The following DENND2A variants were observed in gnomAD, a reference collection of about 807,000 sequenced individuals.
DENND2A encodes DENN domain-containing protein 2A.
A neutral mutation model predicts 105.3 loss-of-function variants in DENND2A; 53 were observed. That is an observed-to-expected ratio of 0.50 (90% CI 0.40 to 0.63). The LOEUF is 0.63. DENND2A is among the 30% of genes least tolerant of loss of function. The pLI, the probability that DENND2A is intolerant of heterozygous loss-of-function variation, is 0.00. For synonymous variants in DENND2A, 522 were observed against 508.4 expected (o/e 1.03, Z -0.36); for missense variants, 1,138 against 1,279.6 (o/e 0.89, Z 1.69).
intron 3 of DENND2A, among the ~76,000 whole-genome samples, chr7:140,595,344 A>G (rs1207920989): frequency 1.3e-5 from 2 of 152,160 alleles, no homozygotes; most frequent in African/African-American, 2.4e-5. Flanking sequence ...TTTAAGTGCT[A>G]CATTTACTGT....
chr7:140,519,554 G>C (rs1293416549), intron 19 of DENND2A, 78 bp downstream of exon 19: 18 of 1,331,296 alleles, frequency 1.4e-5, no homozygotes, highest in Non-Finnish European at 1.9e-5. Context: ...GCTGGCTCCA[G>C]TGGAGGGAAC....
At chr7:140,592,529 G>A (rs1181646994) in intron 3 of DENND2A, among the ~76,000 whole-genome samples, 1 of 150,202 alleles carries the variant, frequency 6.7e-6, no homozygotes, top group Non-Finnish European at 1.5e-5. Flanking sequence ...GTTTTTAGTA[G>A]AGACAGGGTT....
At chr7:140,590,664 A>G (rs907278414) in intron 3 of DENND2A, among the ~76,000 whole-genome samples, 10 of 152,124 alleles carry the variant, frequency 6.6e-5, no homozygotes, top group Non-Finnish European at 1.5e-4. Context: ...CAGGAGTTCA[A>G]GGCCAGCCTG....
chr7:140,607,517 G>C (rs892501816), intron 1 of DENND2A, among the ~76,000 whole-genome samples: 2 of 152,126 alleles, frequency 1.3e-5, no homozygotes, highest in African/African-American at 4.8e-5. Flanking sequence ...AGACATTGTG[G>C]GGCTTATCTA....
At chr7:140,520,323 G>T (rs536026933) in intron 18 of DENND2A, among the ~76,000 whole-genome samples, 1 of 150,340 alleles carries the variant, frequency 6.7e-6, no homozygotes, top group Non-Finnish European at 1.5e-5. Context: ...AAAAAAAAAA[G>T]TTGAACCGGA....
At chr7:140,630,539 C>T (rs764518593) in intron 1 of DENND2A, among the ~76,000 whole-genome samples, 2 of 152,142 alleles carry the variant, frequency 1.3e-5, no homozygotes, top group African/African-American at 2.4e-5. Flanking sequence ...ATGGCGTCTA[C>T]ACTGAGGAGG....
Position 140,537,948 on chromosome 7 carries a change from G to C in DENND2A, c.2327+6670C>G, listed in dbSNP as rs538662330. 4.6e-5 allele frequency among the ~76,000 whole-genome samples: 7 copies of C among 152,310 alleles called. No homozygotes were observed. In the East Asian group the frequency reaches 1.2e-3, roughly 25 times the overall value. ...TGTTCATCATCAGGAAAATGAAGGC[G>C]AGGGTGTAGAGAAGTATTTATCTGT... On this transcript the variant is annotated intron_variant, in intron 14 of 19. Coordinates refer to ENST00000496613, the MANE Select transcript of DENND2A (RefSeq NM_015689.5).
At chr7:140,621,068 C>T (rs996848427) in intron 1 of DENND2A, among the ~76,000 whole-genome samples, 2 of 152,294 alleles carry the variant, frequency 1.3e-5, no homozygotes, top group African/African-American at 4.8e-5. Context: ...CTCGCTCTGT[C>T]GCCAGGCTGG....
intron 5 of DENND2A, among the ~76,000 whole-genome samples, chr7:140,577,490 C>A (rs58118476): frequency 1.3e-5 from 2 of 151,608 alleles, no homozygotes; most frequent in African/African-American, 4.9e-5. Flanking sequence ...CTCCACCTCG[C>A]GGGTTCAAGT....
intron 1 of DENND2A, among the ~76,000 whole-genome samples, chr7:140,630,626 T>C (rs1800703785): frequency 6.6e-6 from 1 of 151,970 alleles, no homozygotes; most frequent in African/African-American, 2.4e-5. Context: ...GGGCGGATCA[T>C]TTGAGGTCAG....
At chr7:140,606,160 C>T (rs552371316) in intron 1 of DENND2A, among the ~76,000 whole-genome samples, 117 of 152,178 alleles carry the variant, frequency 7.7e-4, no homozygotes, top group Middle Eastern at 3.4e-3. Context: ...CGTGCCTCAG[C>T]CTCCCCAGTA....
intron 14 of DENND2A, among the ~76,000 whole-genome samples, chr7:140,529,696 A>G (rs924175581): frequency 2.6e-5 from 4 of 152,116 alleles, no homozygotes; most frequent in Non-Finnish European, 5.9e-5. Context: ...CGCAAGAACA[A>G]AAAACCAAAC....
chr7:140,586,589 G>T (rs1468298771), intron 4 of DENND2A, among the ~76,000 whole-genome samples: 1 of 152,078 alleles, frequency 6.6e-6, no homozygotes, highest in Non-Finnish European at 1.5e-5. Context: ...AGAAAGAAAA[G>T]AAATGGAGGA....
rs377338454 is a variant in DENND2A at position 140,547,258 on chromosome 7, C to A, written c.2038-319G>T. On this transcript the variant is annotated intron_variant, in intron 12 of 19. Coordinates refer to ENST00000496613, the MANE Select transcript of DENND2A (RefSeq NM_015689.5). ...TGCATTCTCAATGAAGGTAATATAA[C>A]CCCAAGGGGGTAAGAACTGGTTTTT... Among the ~76,000 whole-genome samples the A allele has an allele frequency of 6.3e-4, 96 of 152,328 alleles. 3 individuals are homozygous for A. The highest frequency in any genetic ancestry group is 2.1e-3 in the African/African-American group (87 of 41,576).
At chr7:140,627,726 TTTG>T (rs143235192) in intron 1 of DENND2A, among the ~76,000 whole-genome samples, 2,532 of 151,784 alleles carry the variant, frequency 0.017, 57 homozygotes, top group African/African-American at 0.058. Flanking sequence ...AGGGTTTTGA[TTTG>T]TTGTGCGGGC....
At chr7:140,617,507 T>C (rs1262259574) in intron 1 of DENND2A, among the ~76,000 whole-genome samples, 1 of 152,020 alleles carries the variant, frequency 6.6e-6, no homozygotes, top group South Asian at 2.1e-4. Context: ...GGTGGATCAC[T>C]TGAGTTCGAG....
chr7:140,602,518 A>T lies in DENND2A; in HGVS notation c.-121T>A. 1 of 1,120,336 alleles carries T rather than the reference A, an allele frequency of 8.9e-7. No homozygotes were observed. Among genetic ancestry groups the T allele is most frequent in the Non-Finnish European group, 1.2e-6 (1 of 820,812 alleles). 69.4% of individuals were successfully genotyped at this position (1,120,336 alleles called of 1,614,324 possible). ...GTGGATGCCTTCGAGGGTCTTTCTCAGTCCTTGGACCTTCCACCTTGACCC... is the reference window on the plus strand; with the variant it reads ...GTGGATGCCTTCGAGGGTCTTTCTCTGTCCTTGGACCTTCCACCTTGACCC... On this transcript the variant is annotated 5_prime_UTR_variant, in exon 3 of 20. Coordinates refer to ENST00000496613, the MANE Select transcript of DENND2A (RefSeq NM_015689.5).
Position 140,601,744 on chromosome 7 carries a change from G to A in DENND2A, c.654C>T (p.His218=), listed in dbSNP as rs1284394822. 6.2e-7 allele frequency: 1 copy of A among 1,613,970 alleles called. No homozygotes were observed. ...GSGSEVSQRV[H]PSDLEGREPT... ...GCTCCCTGCCTTCCAGGTCCGAGGG[G>A]TGGACCCTCTGGCTGACTTCTGAGC... Residue 218 remains histidine, a synonymous_variant, in exon 3 of 20, where the codon CAC becomes CAT. Transcript: ENST00000496613.
intron 14 of DENND2A, among the ~76,000 whole-genome samples, chr7:140,534,080 A>C (rs1796367827): frequency 1.7e-5 from 1 of 57,516 alleles, no homozygotes; most frequent in Non-Finnish European, 3.3e-5. Context: ...ATGCCTGGTT[A>C]ATTTTTTTTT....
Sources: allele counts gnomAD v4.1 joint callset (sites outside exome capture counted in the v4.1 genomes callset), GRCh38; gene constraint gnomAD v4.1.1; transcripts MANE v1.5; gene names NCBI Gene and HGNC (gene_info 2026-07-23, HGNC 2026-07-21).